The following CIMIP6 variants were observed in gnomAD, a reference collection of about 807,000 sequenced individuals.
CIMIP6 encodes uncharacterized protein C2orf73.
At chr2:54,332,765 A>G in the CIMIP6 span, among the ~76,000 whole-genome samples, 1 of 152,240 alleles carries the variant, frequency 6.6e-6, no homozygotes, top group Non-Finnish European at 1.5e-5. Flanking sequence ...TTGTTGGGTG[A>G]TAACTATGAG....
At chr2:54,336,893 A>G in the CIMIP6 span, among the ~76,000 whole-genome samples, 1 of 152,222 alleles carries the variant, frequency 6.6e-6, no homozygotes, top group Non-Finnish European at 1.5e-5. Flanking sequence ...TCTTAGTAGC[A>G]GCAGAATCCT....
At chr2:54,367,503 T>A in the CIMIP6 span, among the ~76,000 whole-genome samples, 17 of 152,086 alleles carry the variant, frequency 1.1e-4, no homozygotes, top group African/African-American at 4.1e-4. Context: ...TATTACTGTA[T>A]CATACAAAAA....
the CIMIP6 span, chr2:54,330,902 G>A: frequency 2.0e-6 from 3 of 1,471,250 alleles, no homozygotes; most frequent in Non-Finnish European, 2.8e-6. Context: ...CGCGCTTTGC[G>A]CACCCTTTTC....
chr2:54,374,643 G>A, the CIMIP6 span, among the ~76,000 whole-genome samples: 2 of 152,150 alleles, frequency 1.3e-5, no homozygotes, highest in African/African-American at 4.8e-5. Flanking sequence ...ATCCAAAATG[G>A]GTATCGGAAA....
chr2:54,382,669 A>T, the CIMIP6 span, among the ~76,000 whole-genome samples: 1 of 152,116 alleles, frequency 6.6e-6, no homozygotes, highest in Non-Finnish European at 1.5e-5. Flanking sequence ...ATAAACACAG[A>T]TGTTTTCTAC....
chr2:54,344,716 C>CCCGT, the CIMIP6 span, among the ~76,000 whole-genome samples: 115,233 of 151,484 alleles, frequency 0.76, 44,004 homozygotes, highest in Non-Finnish European at 0.8. Flanking sequence ...AAGCTGATCC[C>CCCGT]CCGTCCCCTT....
At chr2:54,356,335 G>A in the CIMIP6 span, among the ~76,000 whole-genome samples, 42 of 152,160 alleles carry the variant, frequency 2.8e-4, no homozygotes, top group Non-Finnish European at 1.2e-4. Flanking sequence ...GACAACAACT[G>A]GCTAGGCAGT....
At chr2:54,360,046 G>T in the CIMIP6 span, among the ~76,000 whole-genome samples, 6 of 152,188 alleles carry the variant, frequency 3.9e-5, no homozygotes, top group Non-Finnish European at 8.8e-5. Context: ...CATATATGGT[G>T]GTGTCTAGTT....
the CIMIP6 span, among the ~76,000 whole-genome samples, chr2:54,366,527 AG>A: frequency 6.6e-6 from 1 of 152,200 alleles, no homozygotes; most frequent in Non-Finnish European, 1.5e-5. Context: ...TTCAATCTGA[AG>A]GGGAAAAATC....
At chr2:54,341,848 G>A in the CIMIP6 span, among the ~76,000 whole-genome samples, 34 of 152,312 alleles carry the variant, frequency 2.2e-4, no homozygotes, top group South Asian at 2.3e-3. Context: ...GTGAAGTGGA[G>A]TGGAGAAGAG....
At chr2:54,380,928 A>G in the CIMIP6 span, among the ~76,000 whole-genome samples, 7 of 152,186 alleles carry the variant, frequency 4.6e-5, no homozygotes, top group African/African-American at 1.7e-4. Context: ...TGTTTCCTTG[A>G]CTACGGGTTA....
the CIMIP6 span, among the ~76,000 whole-genome samples, chr2:54,344,650 T>G: frequency 6.6e-6 from 1 of 152,158 alleles, no homozygotes; most frequent in Non-Finnish European, 1.5e-5. Context: ...TTAAGACTAC[T>G]AGAGCCCAGT....
At chr2:54,346,432 C>T in the CIMIP6 span, among the ~76,000 whole-genome samples, 1 of 152,172 alleles carries the variant, frequency 6.6e-6, no homozygotes. Flanking sequence ...TACTGAGCTT[C>T]AAGTTCACAT....
the CIMIP6 span, chr2:54,360,424 C>T: frequency 4.5e-3 from 7,150 of 1,600,464 alleles, 15 homozygotes; most frequent in Non-Finnish European, 5.3e-3. Flanking sequence ...CAGAAACAGA[C>T]GTCAGACAGG....
chr2:54,339,612 A>G, the CIMIP6 span, among the ~76,000 whole-genome samples: 104 of 75,020 alleles, frequency 1.4e-3, 39 homozygotes, highest in African/African-American at 4.6e-3. Context: ...AGTGTAACCA[A>G]TGTGACCTTA....
At chr2:54,362,320 G>C in the CIMIP6 span, among the ~76,000 whole-genome samples, 4 of 152,144 alleles carry the variant, frequency 2.6e-5, no homozygotes, top group South Asian at 4.1e-4. Flanking sequence ...TTCAGAACTG[G>C]AGATAAAAGA....
chr2:54,343,897 C>T, the CIMIP6 span: 1 of 1,522,606 alleles, frequency 6.6e-7, no homozygotes, highest in Non-Finnish European at 8.8e-7. Flanking sequence ...GTGGTAAAAA[C>T]CTTTTATGTT....
the CIMIP6 span, among the ~76,000 whole-genome samples, chr2:54,372,658 A>C: frequency 6.6e-6 from 1 of 152,192 alleles, no homozygotes; most frequent in African/African-American, 2.4e-5. Context: ...ACTCTTCCCC[A>C]GGGTGCCAGG....
the CIMIP6 span, chr2:54,343,858 C>A: frequency 3.7e-6 from 6 of 1,600,876 alleles, no homozygotes; most frequent in East Asian, 4.5e-5. Flanking sequence ...GATGCAAAAG[C>A]CTTCTTGTGG....
Sources: gnomAD v4.1 joint callset for allele counts (sites outside exome capture counted in the v4.1 genomes callset) on GRCh38, gnomAD v4.1.1 for gene constraint, MANE v1.5 for transcripts, NCBI Gene and HGNC (gene_info 2026-07-23, HGNC 2026-07-21) for gene names.